The following THSD4 variants were observed in gnomAD, a reference collection of about 807,000 sequenced individuals.
THSD4 encodes thrombospondin type-1 domain-containing protein 4.
THSD4 carries 69 observed loss-of-function variants against 119.0 expected under a neutral mutation model. The observed-to-expected ratio is 0.58, with a 90% CI of 0.48 to 0.71. The LOEUF (loss-of-function observed/expected upper bound fraction) is 0.71. Ranked by LOEUF, THSD4 falls within the 30% of genes least tolerant of loss-of-function variation. The pLI is 0.00. For synonymous variants in THSD4, 524 were observed against 540.4 expected (o/e 0.97, Z 0.42); for missense variants, 1,393 against 1,391.1 (o/e 1.00, Z -0.02).
intron 8 of THSD4, among the ~76,000 whole-genome samples, chr15:71,719,672 A>G (rs948714934): frequency 2.0e-5 from 3 of 152,164 alleles, no homozygotes; most frequent in African/African-American, 7.2e-5. Context: ...TTGAAATACA[A>G]TTATCAAAAC....
intron 6 of THSD4, among the ~76,000 whole-genome samples, chr15:71,326,611 T>G (rs1466130551): frequency 2.3e-5 from 3 of 132,102 alleles, no homozygotes; most frequent in Non-Finnish European, 4.8e-5. Flanking sequence ...GAGGTGGAGG[T>G]TGCAGTGAGC....
intron 1 of THSD4, among the ~76,000 whole-genome samples, chr15:71,100,263 G>A (rs1348533954): frequency 1.3e-5 from 2 of 152,194 alleles, no homozygotes; most frequent in Non-Finnish European, 2.9e-5. Context: ...TTTTGTGATT[G>A]TGCTATCTAA....
chr15:71,660,485 C>T, intron 7 of THSD4, 45 bp from the exon 8 acceptor site: 1 of 1,609,830 alleles, frequency 6.2e-7, no homozygotes, highest in East Asian at 2.2e-5. Flanking sequence ...CCTCTGCATG[C>T]TCCTGATACA....
rs368500196 is a variant in THSD4 at position 71,210,204 on chromosome 15, T to TA, written c.100-4830dup. Among the ~76,000 whole-genome samples, 496 of 152,330 alleles carry TA rather than the reference T, an allele frequency of 3.3e-3. 5 individuals carry two copies. Among genetic ancestry groups the TA allele is most frequent in the African/African-American group, 0.012 (490 of 41,566 alleles). ...GGTATCCTGGGTGCTCATGAACTGT[T>TA]ACGAATTTTTTGAACTCTAGAAATA... On this transcript the variant is annotated intron_variant, in intron 3 of 17. Coordinates refer to ENST00000261862, the MANE Select transcript of THSD4 (RefSeq NM_024817.3).
At chr15:71,252,749 T>C (rs968632613) in intron 5 of THSD4, among the ~76,000 whole-genome samples, 3 of 152,246 alleles carry the variant, frequency 2.0e-5, no homozygotes, top group African/African-American at 7.2e-5. Context: ...TTTGTTGCCT[T>C]GGGTTCCTCA....
upstream of THSD4, chr15:71,110,785 C>T (rs2040298334): frequency 3.3e-5 from 9 of 272,862 alleles, 1 homozygote; most frequent in South Asian, 4.7e-4. Flanking sequence ...CCCACGCTGT[C>T]CCCTTTGACT....
At chr15:71,708,963 G>A (rs947782109) in intron 8 of THSD4, among the ~76,000 whole-genome samples, 2 of 152,212 alleles carry the variant, frequency 1.3e-5, no homozygotes, top group Non-Finnish European at 2.9e-5. Context: ...GCGCTAAGCC[G>A]AGGTTTCCCT....
intron 7 of THSD4, among the ~76,000 whole-genome samples, chr15:71,449,412 G>A (rs185799786): frequency 6.8e-4 from 103 of 152,244 alleles, no homozygotes; most frequent in East Asian, 5.8e-4. Context: ...TGCTGTCTGG[G>A]TTCCATCACC....
chr15:71,111,430 G>A (rs764143493), upstream of THSD4: 3 of 1,596,222 alleles, frequency 1.9e-6, no homozygotes, highest in Admixed American at 1.8e-5. Context: ...AGAGTTCCTG[G>A]AGGAGGAAGA....
chr15:71,492,996 C>G (rs1401686286), intron 7 of THSD4, among the ~76,000 whole-genome samples: 2 of 152,154 alleles, frequency 1.3e-5, no homozygotes, highest in South Asian at 2.1e-4. Flanking sequence ...ATCAAACTTT[C>G]CAAATAAAAT....
At chr15:71,762,178 C>CACACACACAGAG (rs55645600) in intron 15 of THSD4, among the ~76,000 whole-genome samples, 2 of 147,498 alleles carry the variant, frequency 1.4e-5, no homozygotes, top group African/African-American at 5.0e-5. Context: ...CACACACACA[C>CACACACACAGAG]AGAGATAGAG....
chr15:71,638,379 A>G (rs2050791320), intron 7 of THSD4, among the ~76,000 whole-genome samples: 1 of 152,214 alleles, frequency 6.6e-6, no homozygotes, highest in Admixed American at 6.5e-5. Flanking sequence ...TGTCCTATAG[A>G]TGTCCTGCAG....
intron 1 of THSD4, among the ~76,000 whole-genome samples, chr15:71,106,893 A>G (rs947134889): frequency 3.9e-5 from 6 of 152,136 alleles, no homozygotes; most frequent in Non-Finnish European, 5.9e-5. Context: ...TTAAAAAGAG[A>G]AGTCACATTC....
At chr15:71,413,400 A>G (rs1034218442) in intron 7 of THSD4, among the ~76,000 whole-genome samples, 15 of 152,284 alleles carry the variant, frequency 9.9e-5, no homozygotes, top group Admixed American at 9.8e-4. Flanking sequence ...GATCTTATTC[A>G]TTCTAACTGT....
At chr15:71,396,268 T>C (rs915368897) in intron 6 of THSD4, among the ~76,000 whole-genome samples, 2 of 151,664 alleles carry the variant, frequency 1.3e-5, no homozygotes, top group African/African-American at 4.9e-5. Context: ...CATATGCATG[T>C]ACACACATAA....
chr15:71,211,980 A>G (rs1404563553), intron 3 of THSD4, among the ~76,000 whole-genome samples: 6 of 152,196 alleles, frequency 3.9e-5, no homozygotes, highest in Non-Finnish European at 8.8e-5. Context: ...AAGTTGTCCC[A>G]TCTTGCATCT....
intron 8 of THSD4, among the ~76,000 whole-genome samples, chr15:71,674,609 AT>A (rs1046247108): frequency 6.6e-6 from 1 of 151,716 alleles, no homozygotes; most frequent in East Asian, 1.9e-4. Flanking sequence ...GGACTTCAGG[AT>A]TTTTTTTTAA....
Position 71,215,036 on chromosome 15 carries a change from T to C in THSD4, c.101T>C (p.Val34Ala). 7.8e-7 allele frequency: 1 copy of C among 1,281,092 alleles called. No homozygotes were observed. Among genetic ancestry groups the C allele is most frequent in the Non-Finnish European group, 9.9e-7 (1 of 1,008,796 alleles). 79.4% of individuals were successfully genotyped at this position (1,281,092 alleles called of 1,614,324 possible). A position where few individuals can be genotyped will look rare whatever the true frequency, so the allele number is the denominator to read the frequency against. Residue 34 changes from valine (V) to alanine (A), a missense_variant and splice_region_variant, in exon 4 of 18, where the codon GTC (valine) becomes GCC (alanine). Val to Ala is a moderately conservative substitution (Grantham distance 64). Transcript: ENST00000261862. Reference sequence around the variant, plus strand: ...CCTAACCTGCCTCTGTCTCCGCAGGTCCCGCAGCGGATGGCGGCGGAGGGC... The same window carrying C: ...CCTAACCTGCCTCTGTCTCCGCAGGCCCCGCAGCGGATGGCGGCGGAGGGC... ...CPQPSTQHRK[V>A]PQRMAAEGAP...
intron 6 of THSD4, among the ~76,000 whole-genome samples, chr15:71,335,562 TGATG>T (rs2045479402): frequency 6.6e-6 from 1 of 152,078 alleles, no homozygotes. Flanking sequence ...ATATAATGAT[TGATG>T]AGTGATGTCT....
Sources: allele counts gnomAD v4.1 joint callset (sites outside exome capture counted in the v4.1 genomes callset), GRCh38; gene constraint gnomAD v4.1.1; transcripts MANE v1.5; gene names NCBI Gene and HGNC (gene_info 2026-07-23, HGNC 2026-07-21).